Variants in KLF12 observed in about 807,000 individuals in gnomAD.
The protein encoded by KLF12 is Krueppel-like factor 12.
Under a neutral mutation model 37.8 loss-of-function variants are expected in KLF12, and 9 were observed. The observed-to-expected ratio is 0.24, with a 90% CI of 0.14 to 0.42. KLF12 has a LOEUF of 0.42. Among genes scored for constraint, KLF12 ranks in the 10% least tolerant of loss-of-function variants. The pLI is 1.00. For synonymous variants in KLF12, 208 were observed against 202.1 expected, an observed-to-expected ratio of 1.03 and a Z score of -0.25; for missense variants, 411 against 516.0, an observed-to-expected ratio of 0.80 and a Z score of 1.97.
chr13:73,947,857 A>G (rs9530263), intron 2 of KLF12, among the ~76,000 whole-genome samples: 52,737 of 151,770 alleles, frequency 0.35, 10,275 homozygotes, highest in East Asian at 0.6. Flanking sequence ...AACTCCTACA[A>G]TGTGCCCTCC....
chr13:73,975,946 C>T (rs1380999518), intron 2 of KLF12, among the ~76,000 whole-genome samples: 2 of 152,166 alleles, frequency 1.3e-5, no homozygotes, highest in Non-Finnish European at 2.9e-5. Context: ...CACATACTTC[C>T]AATCAAAGCT....
Position 73,940,301 on chromosome 13 carries a change from C to G in KLF12, c.123+3680G>C, listed in dbSNP as rs541302720. On this transcript the variant is annotated intron_variant, in intron 3 of 7. Transcript: ENST00000377669. ...GAAGCGTATCACAAGAGCACATGCCCTTCCTAGAGGCTGCCAGCAGCATGT... is the reference window on the plus strand; with the variant it reads ...GAAGCGTATCACAAGAGCACATGCCGTTCCTAGAGGCTGCCAGCAGCATGT... Among the ~76,000 whole-genome samples the G allele has an allele frequency of 2.6e-5, 4 of 152,264 alleles. No homozygotes were observed. The South Asian group carries it at 8.3e-4, about 32-fold the overall frequency.
chr13:74,086,358 A>G (rs1875296322), intron 1 of KLF12, among the ~76,000 whole-genome samples: 1 of 145,114 alleles, frequency 6.9e-6, no homozygotes, highest in South Asian at 2.2e-4. Context: ...TATGAGTGAG[A>G]ACATGCGGTG....
the KLF12 span, among the ~76,000 whole-genome samples, chr13:74,146,717 A>G: frequency 2.6e-5 from 4 of 152,236 alleles, no homozygotes; most frequent in South Asian, 6.2e-4. Context: ...ATATATGTAT[A>G]AAAATTAATG....
intron 1 of KLF12, among the ~76,000 whole-genome samples, chr13:74,092,301 A>G (rs1415592521): frequency 1.3e-5 from 2 of 151,784 alleles, no homozygotes; most frequent in Admixed American, 1.3e-4. Context: ...CGTCTCAAAA[A>G]AAAAAAAGAA....
chr13:74,067,733 C>T (rs1347696607), intron 1 of KLF12, among the ~76,000 whole-genome samples: 4 of 152,082 alleles, frequency 2.6e-5, no homozygotes, highest in African/African-American at 9.7e-5. Flanking sequence ...ATGGTGAAAG[C>T]AGTGGATAAA....
the KLF12 span, among the ~76,000 whole-genome samples, chr13:74,250,149 C>T: frequency 3.3e-5 from 5 of 151,968 alleles, no homozygotes; most frequent in Non-Finnish European, 4.4e-5. Flanking sequence ...TGGATGGATA[C>T]GTGGAAGGAG....
chr13:74,047,185 A>G (rs1893569198), intron 1 of KLF12, among the ~76,000 whole-genome samples: 1 of 152,286 alleles, frequency 6.6e-6, no homozygotes, highest in African/African-American at 2.4e-5. Context: ...CCACATCAGC[A>G]GTGGTCATAT....
upstream of KLF12, among the ~76,000 whole-genome samples, chr13:74,138,333 T>C (rs183512760): frequency 2.6e-3 from 389 of 152,362 alleles, 5 homozygotes; most frequent in African/African-American, 8.4e-3. Context: ...ATCTTGATTT[T>C]TTTCCTAAGG....
At chr13:73,990,804 C>G (rs1217566495) in intron 2 of KLF12, among the ~76,000 whole-genome samples, 1 of 151,560 alleles carries the variant, frequency 6.6e-6, no homozygotes, top group South Asian at 2.1e-4. Context: ...TTCATTCCAT[C>G]AGAAGCAAAC....
At chr13:73,984,571 T>C (rs1036284101) in intron 2 of KLF12, among the ~76,000 whole-genome samples, 3 of 152,174 alleles carry the variant, frequency 2.0e-5, no homozygotes, top group African/African-American at 7.2e-5. Context: ...ACTCTCATCC[T>C]TCCTTCCCGA....
At chr13:73,901,225 T>A (rs2139085797) in intron 3 of KLF12, among the ~76,000 whole-genome samples, 1 of 152,330 alleles carries the variant, frequency 6.6e-6, no homozygotes, top group African/African-American at 2.4e-5. Flanking sequence ...TTCCTAATAT[T>A]CCTTTGAAAT....
Position 73,831,028 on chromosome 13 carries a change from A to ACACACACG in KLF12, c.670+14798_670+14799insCGTGTGTG, listed in dbSNP as rs34914331. Reference sequence around the variant, plus strand: ...CACACACACACACACACACACACGCATACTTATTTTACATACAGAATAGAT... The same window carrying ACACACACG: ...CACACACACACACACACACACACGCACACACACGTACTTATTTTACATACAGAATAGAT... On this transcript the variant is annotated intron_variant, in intron 4 of 7. Coordinates refer to ENST00000377669, the MANE Select transcript of KLF12 (RefSeq NM_007249.5). Among the ~76,000 whole-genome samples the ACACACACG allele has an allele frequency of 2.8e-3, 408 of 148,222 alleles. 3 individuals carry two copies. The highest frequency in any genetic ancestry group is 9.5e-3 in the African/African-American group (377 of 39,806).
intron 6 of KLF12, among the ~76,000 whole-genome samples, chr13:73,737,420 G>A (rs1396673196): frequency 2.0e-5 from 3 of 152,122 alleles, no homozygotes; most frequent in Non-Finnish European, 2.9e-5. Flanking sequence ...TTATTTTCGT[G>A]TAACCCTGGA....
intron 4 of KLF12, among the ~76,000 whole-genome samples, chr13:73,838,659 T>C (rs1884569301): frequency 7.3e-6 from 1 of 137,122 alleles, no homozygotes; most frequent in Non-Finnish European, 1.6e-5. Context: ...TGCTAAATGC[T>C]GATAGACTCT....
the KLF12 span, among the ~76,000 whole-genome samples, chr13:74,194,991 A>T: frequency 6.6e-6 from 1 of 152,284 alleles, no homozygotes; most frequent in South Asian, 2.1e-4. Context: ...TTGACTTCTT[A>T]GGTGAATTAG....
At chr13:73,881,926 T>C (rs1887001317) in intron 3 of KLF12, among the ~76,000 whole-genome samples, 1 of 152,118 alleles carries the variant, frequency 6.6e-6, no homozygotes. Context: ...TATTATAAAA[T>C]AAAATAAACA....
the KLF12 span, among the ~76,000 whole-genome samples, chr13:74,210,625 C>T: frequency 6.6e-6 from 1 of 152,124 alleles, no homozygotes; most frequent in Non-Finnish European, 1.5e-5. Flanking sequence ...AAGTTATGAT[C>T]CAGCCAGTTA....
the KLF12 span, among the ~76,000 whole-genome samples, chr13:74,261,537 TA>T: frequency 6.6e-6 from 1 of 152,126 alleles, no homozygotes; most frequent in East Asian, 1.9e-4. Flanking sequence ...AAAGAAAAGA[TA>T]AAAAAAGTTT....
Sources: allele counts gnomAD v4.1 joint callset (sites outside exome capture counted in the v4.1 genomes callset), GRCh38; gene constraint gnomAD v4.1.1; transcripts MANE v1.5; gene names NCBI Gene and HGNC (gene_info 2026-07-23, HGNC 2026-07-21).